The following PCDHA11 variants were observed in gnomAD, a reference collection of about 807,000 sequenced individuals.
The protein encoded by PCDHA11 is protocadherin alpha-11.
PCDHA11 carries 61 observed loss-of-function variants against 70.3 expected under a neutral mutation model. The ratio of observed to expected loss-of-function variants is 0.87; its 90% CI spans 0.71 to 1.07. PCDHA11 has a LOEUF of 1.07. Ranked by LOEUF, PCDHA11 falls within the 50% of genes least tolerant of loss-of-function variation. PCDHA11 has a pLI of 0.00. For synonymous variants in PCDHA11, 633 were observed against 555.1 expected, an observed-to-expected ratio of 1.14 and a Z score of -1.97; for missense variants, 1,324 against 1,237.5, an observed-to-expected ratio of 1.07 and a Z score of -1.05.
intron 1 of PCDHA11, among the ~76,000 whole-genome samples, chr5:140,913,266 T>C (rs1458769816): frequency 1.3e-5 from 2 of 152,176 alleles, no homozygotes; most frequent in Non-Finnish European, 2.9e-5. Flanking sequence ...TCTAATTACT[T>C]GTTATTGGTC....
intron 1 of PCDHA11, among the ~76,000 whole-genome samples, chr5:140,946,631 T>TATATATTATATATATATATATATATACAC (rs57893927): frequency 7.6e-6 from 1 of 131,846 alleles, no homozygotes; most frequent in African/African-American, 3.5e-5. Flanking sequence ...TATATATATA[T>TATATATTATATATATATATATATATACAC]ACAATGGAAT....
At chr5:141,007,258 A>G (rs1160413471) in intron 3 of PCDHA11, among the ~76,000 whole-genome samples, 1 of 152,110 alleles carries the variant, frequency 6.6e-6, no homozygotes, top group Non-Finnish European at 1.5e-5. Flanking sequence ...AGTTAAAAGA[A>G]GCAGATACAG....
rs2098421123 is a variant in PCDHA11, at chr5:141,011,585, A to G, written c.*1648A>G. 6.5e-6 allele frequency: 1 copy of G among 153,746 alleles called. No individual in the cohort carries two copies. The highest frequency in any genetic ancestry group is 1.5e-5 in the Non-Finnish European group (1 of 68,036). 9.5% of individuals were successfully genotyped at this position (153,746 alleles called of 1,614,324 possible). ...TAAAATTTCTTTCTTAAATCAAGAT[A>G]CTGGTGATTCAAGGAATTTTATTTA... On this transcript the variant is annotated 3_prime_UTR_variant, in exon 4 of 4. Coordinates refer to ENST00000398640, the MANE Select transcript of PCDHA11 (RefSeq NM_018902.5).
chr5:140,966,435 C>G (rs1554228292), intron 1 of PCDHA11: 5 of 423,758 alleles, frequency 1.2e-5, no homozygotes, highest in African/African-American at 1.0e-4. Context: ...GCCCTCCTAC[C>G]GCTCCCTTTC....
intron 1 of PCDHA11, chr5:140,967,061 C>T: frequency 6.2e-7 from 1 of 1,612,886 alleles, no homozygotes; most frequent in Non-Finnish European, 8.5e-7. Context: ...GAGTGGAGCG[C>T]TCTTCGTCAA....
In PCDHA11 at chr5:140,970,051, C is replaced by T. The variant is rs915260486; in HGVS notation, c.2392-8898C>T. 4.0e-5 allele frequency among the ~76,000 whole-genome samples: 6 copies of T among 151,880 alleles called. No individual in the cohort carries two copies. The South Asian group carries it at 1.2e-3, about 32-fold the overall frequency. On this transcript the variant is annotated intron_variant, in intron 1 of 3. Coordinates refer to ENST00000398640, the MANE Select transcript of PCDHA11 (RefSeq NM_018902.5). Reference sequence around the variant, plus strand: ...TTAAGTACCAATTTGTCTGGTTGGTCCAGGGAGGTATTAGAATGAGTGGAT... The same window carrying T: ...TTAAGTACCAATTTGTCTGGTTGGTTCAGGGAGGTATTAGAATGAGTGGAT...
intron 1 of PCDHA11, chr5:140,875,605 G>T (rs782421314): frequency 3.5e-5 from 57 of 1,613,756 alleles, no homozygotes; most frequent in Admixed American, 1.3e-4. Context: ...CGGCACCTTC[G>T]TGGGCCGCAT....
At chr5:140,927,494 T>C (rs1235909927) in intron 1 of PCDHA11, 5 of 1,614,018 alleles carry the variant, frequency 3.1e-6, no homozygotes, top group Non-Finnish European at 4.2e-6. Context: ...ACCCACCTGC[T>C]GGTGCTTACA....
chr5:140,954,995 T>C (rs962646761), intron 1 of PCDHA11, among the ~76,000 whole-genome samples: 2 of 152,222 alleles, frequency 1.3e-5, no homozygotes, highest in African/African-American at 2.4e-5. Context: ...TGCATATGGC[T>C]AGCCAATTCT....
At chr5:140,903,403 C>T (rs2070268499) in intron 1 of PCDHA11, among the ~76,000 whole-genome samples, 1 of 152,156 alleles carries the variant, frequency 6.6e-6, no homozygotes, top group Non-Finnish European at 1.5e-5. Flanking sequence ...AACAGTAGTG[C>T]AGTCAGGAAA....
Position 141,009,850 on chromosome 5 carries a change from C to CAAGAAAAAG in PCDHA11, c.2778_2786dup (p.Lys927_Lys929dup). ...TAACCTTCGGCAAAAAGGAGGAGAC[C>CAAGAAAAAG]AAGAAAAAGAAGAAAAAGAAGAAGG... On this transcript the variant is annotated inframe_insertion, in exon 4 of 4. Coordinates refer to ENST00000398640, the MANE Select transcript of PCDHA11 (RefSeq NM_018902.5). The CAAGAAAAAG allele has an allele frequency of 1.2e-6, 2 of 1,613,572 alleles. No individual in the cohort carries two copies. Among genetic ancestry groups the CAAGAAAAAG allele is most frequent in the Non-Finnish European group, 1.7e-6 (2 of 1,179,906 alleles).
Position 140,870,534 on chromosome 5 carries a change from G to C in PCDHA11, c.1431G>C (p.Ser477=), listed in dbSNP as rs547039725. ...CAGGCTGCCACATCTTCACAGTGTC[G>C]GCGCGGGACGCGGACGCGCAGGAGA... is the stretch of plus-strand genomic sequence containing the variant. ...NPPGCHIFTV[S]ARDADAQENA... The change falls in exon 1 of 4, where the codon TCG becomes TCC. Residue 477 remains serine, a synonymous_variant. Coordinates refer to ENST00000398640, the MANE Select transcript of PCDHA11 (RefSeq NM_018902.5). 1.2e-6 allele frequency: 2 copies of C among 1,614,032 alleles called. No homozygotes were observed. The highest frequency in any genetic ancestry group is 1.7e-6 in the Non-Finnish European group (2 of 1,180,042).
intron 3 of PCDHA11, among the ~76,000 whole-genome samples, chr5:141,007,801 G>A (rs559830556): frequency 2.6e-5 from 4 of 152,148 alleles, no homozygotes; most frequent in African/African-American, 7.2e-5. Flanking sequence ...GCCTTTATCT[G>A]CCATTCATTT....
At chr5:140,928,855 C>T (rs781997277) in intron 1 of PCDHA11, 1 of 1,614,184 alleles carries the variant, frequency 6.2e-7, no homozygotes, top group Non-Finnish European at 8.5e-7. Context: ...TCTGGGTGTG[C>T]TGTTGAGCAA....
At chr5:140,891,494 C>T (rs548491891) in intron 1 of PCDHA11, among the ~76,000 whole-genome samples, 1 of 151,678 alleles carries the variant, frequency 6.6e-6, no homozygotes, top group South Asian at 2.1e-4. Flanking sequence ...TGAGCATATC[C>T]TCAGCTATAA....
chr5:140,969,140 T>G, intron 1 of PCDHA11: 1 of 1,613,980 alleles, frequency 6.2e-7, no homozygotes, highest in Non-Finnish European at 8.5e-7. Flanking sequence ...CAAGACCTAC[T>G]GCTACAAGGC....
At chr5:140,966,097 C>T (rs1215509140) in intron 1 of PCDHA11, 2 of 154,754 alleles carry the variant, frequency 1.3e-5, no homozygotes, top group Non-Finnish European at 2.9e-5. Flanking sequence ...GTTAGATCCG[C>T]CGCCTGGGTG....
intron 1 of PCDHA11, chr5:140,927,441 G>A: frequency 5.0e-6 from 8 of 1,614,130 alleles, no homozygotes; most frequent in Non-Finnish European, 4.2e-6. Context: ...GCGAATACCC[G>A]GAGTTGGTGT....
chr5:140,926,125 A>G (rs1584421625), intron 1 of PCDHA11, among the ~76,000 whole-genome samples: 2 of 152,180 alleles, frequency 1.3e-5, no homozygotes, highest in Admixed American at 6.5e-5. Flanking sequence ...ACAGACTTCA[A>G]CCCGCAGCAG....
Sources: allele counts gnomAD v4.1 joint callset (sites outside exome capture counted in the v4.1 genomes callset), GRCh38; gene constraint gnomAD v4.1.1; transcripts MANE v1.5; gene names NCBI Gene and HGNC (gene_info 2026-07-23, HGNC 2026-07-21).